The following KCNH1 variants were observed in gnomAD, a reference collection of about 807,000 sequenced individuals.
The protein encoded by KCNH1 is voltage-gated delayed rectifier potassium channel KCNH1.
Under a neutral mutation model 69.2 loss-of-function variants are expected in KCNH1, and 27 were observed. That is an observed-to-expected ratio of 0.39 (90% confidence interval 0.29 to 0.54). The LOEUF (loss-of-function observed/expected upper bound fraction) is 0.54. Ranked by LOEUF, KCNH1 falls within the 20% of genes least tolerant of loss-of-function variation. The pLI is 0.68. For missense variants in KCNH1, 798 were observed against 1,261.6 expected (o/e 0.63, Z 5.57); for synonymous variants, 456 against 487.7 (o/e 0.93, Z 0.86).
intron 6 of KCNH1, among the ~76,000 whole-genome samples, chr1:210,921,170 CT>C (rs1392483052): frequency 6.6e-6 from 1 of 152,168 alleles, no homozygotes; most frequent in Non-Finnish European, 1.5e-5. Flanking sequence ...CCAAAGATAG[CT>C]GAAACATATT....
At chr1:210,848,744 A>G (rs1324758936) in intron 7 of KCNH1, among the ~76,000 whole-genome samples, 1 of 152,218 alleles carries the variant, frequency 6.6e-6, no homozygotes, top group East Asian at 1.9e-4. Context: ...TGGCTTCATA[A>G]TAATATACTA....
chr1:210,826,141 A>AT (rs905019531), intron 7 of KCNH1, among the ~76,000 whole-genome samples: 2 of 151,944 alleles, frequency 1.3e-5, no homozygotes, highest in African/African-American at 4.8e-5. Flanking sequence ...GATGGATTGA[A>AT]TTTTTTTTCA....
At chr1:210,710,854 TCACTC>T (rs991660798) in intron 10 of KCNH1, among the ~76,000 whole-genome samples, 31 of 152,300 alleles carry the variant, frequency 2.0e-4, no homozygotes, top group African/African-American at 7.0e-4. Context: ...TGTTATGTCT[TCACTC>T]CATCTAATCC....
intron 5 of KCNH1, among the ~76,000 whole-genome samples, chr1:211,056,000 G>T (rs1003632775): frequency 3.3e-5 from 5 of 152,180 alleles, no homozygotes; most frequent in Non-Finnish European, 7.4e-5. Flanking sequence ...AGCTGTGGTG[G>T]CTATGGGGAG....
intron 9 of KCNH1, among the ~76,000 whole-genome samples, chr1:210,795,904 C>G (rs377472413): frequency 1.3e-5 from 2 of 151,370 alleles, no homozygotes; most frequent in South Asian, 4.2e-4. Flanking sequence ...GGGCAGATCA[C>G]GAGGTCAGGA....
chr1:211,006,113 T>C (rs1689279469), intron 6 of KCNH1, among the ~76,000 whole-genome samples: 1 of 152,162 alleles, frequency 6.6e-6, no homozygotes, highest in East Asian at 1.9e-4. Context: ...GGCAAGGAAG[T>C]AAAGCAGTGG....
chr1:210,705,335 C>A (rs1393603997), intron 10 of KCNH1, among the ~76,000 whole-genome samples: 2 of 152,206 alleles, frequency 1.3e-5, no homozygotes, highest in African/African-American at 4.8e-5. Flanking sequence ...GCAGGCCTCA[C>A]AAGTCTCTCC....
rs1410293530 is a variant in KCNH1 at position 211,133,026 on chromosome 1, T to C, written c.79+841A>G. ...TCTCAAGGCTTCATGCTACCGTCGA[T>C]CTTAATGCCACAAGGAAACAGATGA... On this transcript the variant is annotated intron_variant, in intron 1 of 10. Coordinates refer to ENST00000271751, the MANE Select transcript of KCNH1 (RefSeq NM_172362.3). The surrounding 1 kb of genome is among the most constrained non-coding windows in gnomAD (Gnocchi z 5.4). 6.6e-6 allele frequency: 1 copy of C among 152,232 alleles called. No homozygotes were observed. The highest frequency in any genetic ancestry group is 2.4e-5 in the African/African-American group (1 of 41,448). The allele number at this position is 152,232 out of a possible 1,614,324, so 9.4% of individuals were successfully genotyped here.
chr1:211,030,366 G>GAT lies in KCNH1; in HGVS notation c.559-11112_559-11111dup, dbSNP rs528114110. Among the ~76,000 whole-genome samples, 21 of 152,206 alleles carry GAT rather than the reference G, an allele frequency of 1.4e-4. 1 individual carries two copies. The East Asian group carries it at 4.1e-3, about 29-fold the overall frequency. ...ATCAGTCTAACCAATCACAAGACTT[G>GAT]ATATATAGCACAGTAATGAAGACTA... On this transcript the variant is annotated intron_variant, in intron 5 of 10. Coordinates refer to ENST00000271751, the MANE Select transcript of KCNH1 (RefSeq NM_172362.3).
intron 1 of KCNH1, among the ~76,000 whole-genome samples, chr1:211,128,720 G>A (rs1691827990): frequency 6.6e-6 from 1 of 152,150 alleles, no homozygotes; most frequent in Admixed American, 6.5e-5. Flanking sequence ...TAAAAGGGGA[G>A]AAGAATACAA....
At chr1:210,978,602 T>G (rs1445169380) in intron 6 of KCNH1, among the ~76,000 whole-genome samples, 2 of 152,228 alleles carry the variant, frequency 1.3e-5, no homozygotes, top group African/African-American at 4.8e-5. Flanking sequence ...TATTGTTGTT[T>G]AATAACTTGC....
chr1:210,697,740 G>A (rs745819621), intron 10 of KCNH1, among the ~76,000 whole-genome samples: 2 of 152,232 alleles, frequency 1.3e-5, no homozygotes, highest in Non-Finnish European at 2.9e-5. Context: ...CACTCCTGGA[G>A]CCCAGTCCCT....
chr1:210,797,626 C>T lies in KCNH1; in HGVS notation c.1797G>A (p.Thr599=), dbSNP rs147586251. ...TGAGGTCCCCTGGGGCACAGTGCAC[C>T]GTCTGGAACTCCATGGCCAGTGCCC... is the stretch of plus-strand genomic sequence containing the variant. The part of the protein sequence containing the change: ...CLRALAMEFQ[T]VHCAPGDLIY... Residue 599 remains threonine, a synonymous_variant, in exon 9 of 11, where the codon ACG becomes ACA. Coordinates refer to ENST00000271751, the MANE Select transcript of KCNH1 (RefSeq NM_172362.3). The T allele has an allele frequency of 4.2e-5, 68 of 1,614,120 alleles. No homozygotes were observed. In the African/African-American group the frequency reaches 5.3e-4, roughly 13 times the overall value.
chr1:211,103,408 GA>G, intron 3 of KCNH1, 87 bp downstream of exon 3: 1 of 844,184 alleles, frequency 1.2e-6, no homozygotes, highest in South Asian at 1.8e-5. Context: ...TGGGAGAGAA[GA>G]AAAACCAAGA....
chr1:210,766,826 G>A (rs938031335), intron 10 of KCNH1, among the ~76,000 whole-genome samples: 1 of 152,194 alleles, frequency 6.6e-6, no homozygotes, highest in African/African-American at 2.4e-5. Flanking sequence ...ATTTGGTCTG[G>A]AATAGATTCT....
Position 210,679,474 on chromosome 1 carries a change from A to C in KCNH1, c.*3807T>G, listed in dbSNP as rs1354397402. 1 of 152,244 alleles carries C rather than the reference A, an allele frequency of 6.6e-6. No homozygotes were observed. The highest frequency in any genetic ancestry group is 1.5e-5 in the Non-Finnish European group (1 of 68,064). 9.4% of individuals were successfully genotyped at this position (152,244 alleles called of 1,614,324 possible). A position where few individuals can be genotyped will look rare whatever the true frequency, so the allele number is the denominator to read the frequency against. On this transcript the variant is annotated 3_prime_UTR_variant, in exon 11 of 11. Coordinates refer to ENST00000271751, the MANE Select transcript of KCNH1 (RefSeq NM_172362.3). ...GCTCCTAAAATTTCCCAGAGTATGC[A>C]TGGGAGACATAGTGGTCAGTGCAAC...
chr1:210,919,873 G>C lies in KCNH1; in HGVS notation c.1229C>G (p.Thr410Ser), dbSNP rs1687423047. Residue 410 changes from threonine (T) to serine (S), a missense_variant, in exon 7 of 11, where the codon ACC becomes AGC. Thr to Ser is a moderately conservative substitution (Grantham distance 58). This residue lies in a region of KCNH1 where 197 missense variants were observed against 407.7 expected (regional missense o/e 0.48). Coordinates refer to ENST00000271751, the MANE Select transcript of KCNH1 (RefSeq NM_172362.3). This position sits in a 1 kb window ranked among gnomAD's most constrained non-coding sequence, Gnocchi z 4.2. Reference protein sequence around the residue: ...IGDYEIFDEDTKTIRNNSWLY... With the variant: ...IGDYEIFDEDSKTIRNNSWLY... ...CCAGCTGTTGTTGCGGATTGTCTTG[G>C]TGTCCTCGTCAAAGATCTCATAGTC... is the stretch of plus-strand genomic sequence containing the variant. The C allele has an allele frequency of 1.2e-6, 2 of 1,614,144 alleles. No homozygotes were observed. The highest frequency in any genetic ancestry group is 1.7e-6 in the Non-Finnish European group (2 of 1,180,022).
chr1:211,104,192 A>C (rs1172459616), intron 2 of KCNH1, among the ~76,000 whole-genome samples: 2 of 152,126 alleles, frequency 1.3e-5, no homozygotes, highest in Non-Finnish European at 2.9e-5. Context: ...GGAGGAGACC[A>C]CGGCATTATA....
chr1:210,853,139 GAGCTGGATTCAACCCCT>G (rs544788104), intron 7 of KCNH1, among the ~76,000 whole-genome samples: 16 of 152,304 alleles, frequency 1.1e-4, no homozygotes, highest in African/African-American at 3.9e-4. Flanking sequence ...GAGTGAGACA[GAGCTGGATTCAACCCCT>G]AGCTCTGCCA....
Sources: gnomAD v4.1 joint callset for allele counts (sites outside exome capture counted in the v4.1 genomes callset) on GRCh38, gnomAD v4.1.1 for gene constraint, gnomAD v4.1.1 regional missense constraint, Gnocchi (gnomAD v3.1) non-coding constraint, MANE v1.5 for transcripts, NCBI Gene and HGNC (gene_info 2026-07-23, HGNC 2026-07-21) for gene names.